MICAL3: variants seen among roughly 807,000 people sequenced by gnomAD.
MICAL3 encodes the protein microtubule associated monooxygenase, calponin and LIM domain containing 3.
A neutral mutation model predicts 207.4 loss-of-function variants in MICAL3; 62 were observed. That is an observed-to-expected ratio of 0.30 (90% confidence interval 0.24 to 0.37). The LOEUF is 0.37. Among genes scored for constraint, MICAL3 ranks in the 10% least tolerant of loss-of-function variants. MICAL3 has a pLI of 1.00. For synonymous variants in MICAL3, 1,077 were observed against 1,069.3 expected (o/e 1.01, Z -0.14); for missense variants, 2,368 against 2,635.6 (o/e 0.90, Z 2.22).
At chr22:17,809,414 T>C (rs1419130682) in intron 28 of MICAL3, among the ~76,000 whole-genome samples, 1 of 152,202 alleles carries the variant, frequency 6.6e-6, no homozygotes, top group Non-Finnish European at 1.5e-5. Context: ...GGTGGGCGGA[T>C]CACAAGGTCA....
At chr22:17,888,336 T>C (rs1930106860) in intron 13 of MICAL3, among the ~76,000 whole-genome samples, 2 of 152,224 alleles carry the variant, frequency 1.3e-5, no homozygotes, top group South Asian at 4.2e-4. Flanking sequence ...AAGGGACAAT[T>C]AATGACAACA....
At chr22:17,904,977 T>C in intron 2 of MICAL3, 138 bp from the exon 3 acceptor site, 1 of 672,180 alleles carries the variant, frequency 1.5e-6, no homozygotes, top group Non-Finnish European at 2.6e-6. Context: ...CCTTCACACC[T>C]ACGTGGGTCA....
chr22:17,857,668 T>C (rs1354889744), intron 19 of MICAL3, among the ~76,000 whole-genome samples: 1 of 152,040 alleles, frequency 6.6e-6, no homozygotes, highest in African/African-American at 2.4e-5. Flanking sequence ...CCAAGAGAAG[T>C]TCTGTAAGGA....
rs1931187269 is a variant in MICAL3 at position 17,900,011 on chromosome 22, G to C, written c.848-463C>G. 6.6e-6 allele frequency among the ~76,000 whole-genome samples: 1 copy of C among 152,206 alleles called. No homozygotes were observed. Among genetic ancestry groups the C allele is most frequent in the Non-Finnish European group, 1.5e-5 (1 of 68,032 alleles). Reference sequence around the variant, plus strand: ...ATCTAAAAAATAGATGTAATGAAAAGAAATCAAGTTCTAGAAAACAAGAGA... The same window carrying C: ...ATCTAAAAAATAGATGTAATGAAAACAAATCAAGTTCTAGAAAACAAGAGA... On this transcript the variant is annotated intron_variant, in intron 6 of 31. Transcript: ENST00000441493. This position sits in a 1 kb window ranked among gnomAD's most constrained non-coding sequence, Gnocchi z 4.0.
chr22:17,826,882 A>C lies in MICAL3; in HGVS notation c.3193+762T>G, dbSNP rs189404103. ...GCCAGGGAGGAACAAACGTCTTATTAATGCTGTTTTATGATGGCAGGAAAT... is the reference window on the plus strand; with the variant it reads ...GCCAGGGAGGAACAAACGTCTTATTCATGCTGTTTTATGATGGCAGGAAAT... On this transcript the variant is annotated intron_variant, in intron 22 of 31. Coordinates refer to ENST00000441493, the MANE Select transcript of MICAL3 (RefSeq NM_015241.3). 2.6e-5 allele frequency among the ~76,000 whole-genome samples: 4 copies of C among 151,904 alleles called. No homozygotes were observed. In the East Asian group the frequency reaches 7.8e-4, roughly 30 times the overall value.
chr22:17,962,228 G>T (rs116405716), intron 1 of MICAL3, among the ~76,000 whole-genome samples: 1 of 151,508 alleles, frequency 6.6e-6, no homozygotes. Context: ...GAAAACTAAC[G>T]TAAGTGCGAA....
intron 20 of MICAL3, among the ~76,000 whole-genome samples, chr22:17,832,628 T>C (rs536028766): frequency 4.7e-4 from 71 of 152,220 alleles, no homozygotes; most frequent in Non-Finnish European, 9.1e-4. Context: ...CCCATGACCC[T>C]GGGAATTGAG....
intron 19 of MICAL3, among the ~76,000 whole-genome samples, chr22:17,859,782 C>T (rs944516154): frequency 6.6e-6 from 1 of 152,190 alleles, no homozygotes; most frequent in African/African-American, 2.4e-5. Context: ...GGCTCTATGT[C>T]CCTATGGTTG....
At chr22:17,819,970 A>AAAAT (rs1921380598) in intron 25 of MICAL3, among the ~76,000 whole-genome samples, 1 of 139,498 alleles carries the variant, frequency 7.2e-6, no homozygotes, top group African/African-American at 2.7e-5. Context: ...AAAAAAAAAA[A>AAAAT]TCCAATCAGT....
chr22:18,017,802 GTGCAGTGGCTCGATCTCCGC>G (rs1924161758), intron 1 of MICAL3, among the ~76,000 whole-genome samples: 1 of 149,906 alleles, frequency 6.7e-6, no homozygotes, highest in Non-Finnish European at 1.5e-5. Context: ...CCAGGCTGGA[GTGCAGTGGCTCGATCTCCGC>G]TCACTGCAAG....
At chr22:17,809,720 G>A (rs376363617) in intron 28 of MICAL3, among the ~76,000 whole-genome samples, 1 of 152,128 alleles carries the variant, frequency 6.6e-6, no homozygotes, top group African/African-American at 2.4e-5. Flanking sequence ...AGAATGGGAG[G>A]AGAGCTCTGA....
chr22:17,876,748 G>A (rs71328241), intron 16 of MICAL3: 1 of 147,204 alleles, frequency 6.8e-6, no homozygotes, highest in African/African-American at 2.6e-5. Flanking sequence ...ATGGAGGTTA[G>A]GGAGGTTAAG....
At chr22:17,821,989 G>A in intron 24 of MICAL3, 41 bp downstream of exon 24, 1 of 1,606,392 alleles carries the variant, frequency 6.2e-7, no homozygotes, top group Non-Finnish European at 8.5e-7. Flanking sequence ...GGCCCTCGTA[G>A]GAATTCTGAA....
chr22:17,833,185 G>A (rs932258611), intron 20 of MICAL3, among the ~76,000 whole-genome samples: 12 of 152,218 alleles, frequency 7.9e-5, no homozygotes, highest in Admixed American at 7.8e-4. Context: ...GAACAAAACC[G>A]GGTTCCTTGC....
chr22:17,803,784 T>C (rs561647639), intron 29 of MICAL3: 1 of 982,460 alleles, frequency 1.0e-6, no homozygotes, highest in East Asian at 1.1e-4. Flanking sequence ...GCGGGGTTAG[T>C]GTCAGCACAG....
rs1469968747 is a variant in MICAL3, at chr22:17,793,035, G to C, written c.5651-1734C>G. 6.6e-6 allele frequency among the ~76,000 whole-genome samples: 1 copy of C among 152,160 alleles called. No individual in the cohort carries two copies. Among genetic ancestry groups the C allele is most frequent in the Non-Finnish European group, 1.5e-5 (1 of 68,014 alleles). On this transcript the variant is annotated intron_variant, in intron 29 of 31. Coordinates refer to ENST00000441493, the MANE Select transcript of MICAL3 (RefSeq NM_015241.3). The surrounding 1 kb of genome is among the most constrained non-coding windows in gnomAD (Gnocchi z 4.1). ...TCTCTCCCGCTGCCCACCTCCCCAC[G>C]AAGATACAGAAAATGCCACCGGAGA...
At position 17,842,032 on chromosome 22, in the gene MICAL3, C is replaced by T. The variant is rs372576901; in HGVS notation, c.2606-15G>A. ...CACGCCTGAACCTGCGGGACAAGCA[C>T]AGAAGCACTGCACTGAGGTCCAACC... On this transcript the variant is annotated splice_polypyrimidine_tract_variant and intron_variant, in intron 19 of 31. Coordinates refer to ENST00000441493, the MANE Select transcript of MICAL3 (RefSeq NM_015241.3). 8.7e-5 allele frequency: 138 copies of T among 1,594,254 alleles called. No homozygotes were observed. The highest frequency in any genetic ancestry group is 1.1e-4 in the Non-Finnish European group (130 of 1,175,904).
chr22:17,941,386 C>G (rs900778256), intron 1 of MICAL3, among the ~76,000 whole-genome samples: 1 of 152,198 alleles, frequency 6.6e-6, no homozygotes, highest in South Asian at 2.1e-4. Flanking sequence ...TTGAGCACAT[C>G]CCCATTCTCA....
Position 17,819,060 on chromosome 22 carries a change from G to A in MICAL3, c.3601C>T (p.Pro1201Ser). Residue 1201 changes from proline (P) to serine (S), a missense_variant, in exon 26 of 32, where the codon CCT (proline) becomes TCT (serine). Pro to Ser is a moderately conservative substitution (Grantham distance 74). Transcript: ENST00000441493. ...TTGGGCTTCTCTTTGGGGAGCAAAG[G>A]CTCAGGGAAAAGGCGCTCCTCAGGT... ...KSPEERLFPE[P>S]LLPKEKPKAD... 6.4e-7 allele frequency: 1 copy of A among 1,573,468 alleles called. No individual in the cohort carries two copies. The highest frequency in any genetic ancestry group is 8.6e-7 in the Non-Finnish European group (1 of 1,159,734).
Sources: allele counts gnomAD v4.1 joint callset (sites outside exome capture counted in the v4.1 genomes callset), GRCh38; gene constraint gnomAD v4.1.1; non-coding constraint Gnocchi (gnomAD v3.1); transcripts MANE v1.5; gene names NCBI Gene and HGNC (gene_info 2026-07-23, HGNC 2026-07-21).